Variants in ERO1B observed in about 807,000 individuals in gnomAD.
ERO1B encodes ERO1-like protein beta.
A neutral mutation model predicts 75.3 loss-of-function variants in ERO1B; 49 were observed. The ratio of observed to expected loss-of-function variants is 0.65; its 90% CI spans 0.52 to 0.83. ERO1B has a LOEUF of 0.83. Among genes scored for constraint, ERO1B ranks in the 40% least tolerant of loss-of-function variants. ERO1B has a pLI of 0.00. For synonymous variants in ERO1B, 191 were observed against 192.9 expected (o/e 0.99, Z 0.08); for missense variants, 512 against 560.1 (o/e 0.91, Z 0.87).
chr1:236,275,778 A>C (rs936868464), intron 1 of ERO1B, among the ~76,000 whole-genome samples: 3 of 152,238 alleles, frequency 2.0e-5, no homozygotes, highest in Non-Finnish European at 4.4e-5. Flanking sequence ...AGGCACTCCT[A>C]TGACTCAAAT....
chr1:236,270,590 T>A (rs1170431795), intron 1 of ERO1B, among the ~76,000 whole-genome samples: 2 of 152,186 alleles, frequency 1.3e-5, no homozygotes, highest in Non-Finnish European at 2.9e-5. Context: ...ATTCAAAGAT[T>A]ATTTGCTAAT....
At chr1:236,235,943 G>A in intron 7 of ERO1B, 108 bp from the exon 8 acceptor site, 1 of 918,000 alleles carries the variant, frequency 1.1e-6, no homozygotes, top group South Asian at 1.7e-5. Flanking sequence ...TTTTTTTTTT[G>A]AGACAGAGTT....
Position 236,217,604 on chromosome 1 carries a change from T to G in ERO1B, c.*912A>C, listed in dbSNP as rs1014018742. The G allele has an allele frequency of 6.6e-6, 1 of 152,624 alleles. No homozygotes were observed. The highest frequency in any genetic ancestry group is 2.4e-5 in the African/African-American group (1 of 41,464). 9.5% of individuals were successfully genotyped at this position (152,624 alleles called of 1,614,324 possible). ...AATTTTGTGTATATAATATTTTCAA[T>G]TGGCATTATAAATTCATATAATCCC... On this transcript the variant is annotated 3_prime_UTR_variant, in exon 16 of 16. Coordinates refer to ENST00000354619, the MANE Select transcript of ERO1B (RefSeq NM_019891.4).
chr1:236,226,664 G>A lies in ERO1B; in HGVS notation c.788C>T (p.Ala263Val), dbSNP rs1664287829. The A allele has an allele frequency of 2.5e-6, 4 of 1,611,076 alleles. No homozygotes were observed. Among genetic ancestry groups the A allele is most frequent in the Non-Finnish European group, 3.4e-6 (4 of 1,179,294 alleles). ...ATGATTACCTTCCAAAAGATAATTT[G>A]CGCATAGATGTAAATTGATGCTAGC... ...LHASINLHLC[A>V]NYLLEETWGK... The change falls in exon 11 of 16, where the codon GCA becomes GTA. Residue 263 changes from alanine to valine, a missense_variant. By Grantham distance (64) the Ala-to-Val change is moderately conservative (BLOSUM62 0). Coordinates refer to ENST00000354619, the MANE Select transcript of ERO1B (RefSeq NM_019891.4).
intron 2 of ERO1B, among the ~76,000 whole-genome samples, chr1:236,265,291 A>G (rs1175090852): frequency 6.6e-6 from 1 of 152,222 alleles, no homozygotes; most frequent in Non-Finnish European, 1.5e-5. Context: ...AATCAGGAGC[A>G]CATATTGAAT....
At chr1:236,238,212 T>C (rs1664590776) in intron 6 of ERO1B, among the ~76,000 whole-genome samples, 1 of 152,176 alleles carries the variant, frequency 6.6e-6, no homozygotes, top group Non-Finnish European at 1.5e-5. Context: ...CTGGCTCTAT[T>C]TCTAGCTCTA....
At chr1:236,273,980 A>ATTT (rs71176477) in intron 1 of ERO1B, among the ~76,000 whole-genome samples, 1 of 94,514 alleles carries the variant, frequency 1.1e-5, no homozygotes, top group Non-Finnish European at 2.0e-5. Flanking sequence ...GCCATATCCT[A>ATTT]TTTTTTTTTT....
At position 236,216,274 on chromosome 1, in the gene ERO1B, C is replaced by T. The variant is rs1413791041; in HGVS notation, c.*2242G>A. ...TAAAGACAAAATGCCAGAGCACCAGCAAAGCATTTTTACAATGCAAACAGT... is the reference window on the plus strand; with the variant it reads ...TAAAGACAAAATGCCAGAGCACCAGTAAAGCATTTTTACAATGCAAACAGT... On this transcript the variant is annotated 3_prime_UTR_variant, in exon 16 of 16. Transcript: ENST00000354619. 1 of 151,992 alleles carries T rather than the reference C, an allele frequency of 6.6e-6. No homozygotes were observed. Among genetic ancestry groups the T allele is most frequent in the African/African-American group, 2.4e-5 (1 of 41,394 alleles). The allele number at this position is 151,992 out of a possible 1,614,324, so 9.4% of individuals were successfully genotyped here. A position where few individuals can be genotyped will look rare whatever the true frequency, so the allele number is the denominator to read the frequency against.
intron 6 of ERO1B, among the ~76,000 whole-genome samples, chr1:236,237,568 A>G (rs192273665): frequency 6.6e-6 from 1 of 152,338 alleles, no homozygotes; most frequent in Admixed American, 6.5e-5. Flanking sequence ...TATGCTCATA[A>G]TACATAGATG....
At chr1:236,239,519 G>A (rs1160538994) in intron 6 of ERO1B, among the ~76,000 whole-genome samples, 1 of 151,768 alleles carries the variant, frequency 6.6e-6, no homozygotes, top group East Asian at 1.9e-4. Context: ...AGCATCTACA[G>A]GCCAAGTTCT....
chr1:236,248,116 G>A (rs1006748543), intron 5 of ERO1B, among the ~76,000 whole-genome samples: 7 of 152,074 alleles, frequency 4.6e-5, no homozygotes, highest in African/African-American at 2.4e-5. Context: ...TATCCATTAC[G>A]CTACTGGATT....
At chr1:236,273,043 ATAT>A (rs1665632372) in intron 1 of ERO1B, among the ~76,000 whole-genome samples, 1 of 152,182 alleles carries the variant, frequency 6.6e-6, no homozygotes, top group Non-Finnish European at 1.5e-5. Context: ...ATAAGCAAAT[ATAT>A]TATTTTTGCA....
chr1:236,239,186 G>C (rs993190352), intron 6 of ERO1B, among the ~76,000 whole-genome samples: 2 of 152,232 alleles, frequency 1.3e-5, no homozygotes, highest in Admixed American at 6.5e-5. Flanking sequence ...AAAAAATCTT[G>C]TAATACTTTT....
intron 8 of ERO1B, among the ~76,000 whole-genome samples, chr1:236,235,204 A>G (rs1221793872): frequency 8.5e-5 from 13 of 152,130 alleles, no homozygotes; most frequent in Admixed American, 8.5e-4. Flanking sequence ...ATTGTTGTAC[A>G]TTTTTCCTAC....
chr1:236,237,329 C>T (rs1664569829), intron 6 of ERO1B, among the ~76,000 whole-genome samples: 3 of 152,030 alleles, frequency 2.0e-5, no homozygotes, highest in Admixed American at 1.3e-4. Flanking sequence ...GTTGGCCAGG[C>T]TGGTCTCAAA....
chr1:236,278,041 C>A (rs1208177003), intron 1 of ERO1B, among the ~76,000 whole-genome samples: 1 of 152,056 alleles, frequency 6.6e-6, no homozygotes, highest in African/African-American at 2.4e-5. Context: ...TGCCCTGTTT[C>A]CTTGGGTGTT....
chr1:236,235,785 C>A lies in ERO1B; in HGVS notation c.673+4G>T. On this transcript the variant is annotated splice_donor_region_variant and intron_variant, in intron 8 of 15. Coordinates refer to ENST00000354619, the MANE Select transcript of ERO1B (RefSeq NM_019891.4). ...GCATGAAAATGTACATATGAAAAAC[C>A]TACCTCGGCTAGGCGCCAGAGGATT... 1 of 1,608,482 alleles carries A rather than the reference C, an allele frequency of 6.2e-7. No homozygotes were observed. Among genetic ancestry groups the A allele is most frequent in the East Asian group, 2.2e-5 (1 of 44,782 alleles).
chr1:236,230,340 G>GAGCCACCATGCCCT, intron 9 of ERO1B, 90 bp from the exon 10 acceptor site: 10 of 1,149,102 alleles, frequency 8.7e-6, no homozygotes, highest in Non-Finnish European at 1.3e-5. Flanking sequence ...TGCAGGGCAT[G>GAGCCACCATGCCCT]GTGGCTCATG....
At chr1:236,281,368 A>G (rs1665824562) in intron 1 of ERO1B, 1 of 227,936 alleles carries the variant, frequency 4.4e-6, no homozygotes, top group South Asian at 1.7e-4. Flanking sequence ...TGCCCGTCCC[A>G]TCTCCCGCCA....
Sources: allele counts gnomAD v4.1 joint callset (sites outside exome capture counted in the v4.1 genomes callset), GRCh38; gene constraint gnomAD v4.1.1; transcripts MANE v1.5; gene names NCBI Gene and HGNC (gene_info 2026-07-23, HGNC 2026-07-21).